Variants in MAMDC2 observed in about 807,000 individuals in gnomAD.
MAMDC2 encodes the protein MAM domain-containing protein 2.
MAMDC2 carries 57 observed loss-of-function variants against 89.8 expected under a neutral mutation model. The ratio of observed to expected loss-of-function variants is 0.63; its 90% CI spans 0.51 to 0.79. The LOEUF (loss-of-function observed/expected upper bound fraction) is 0.79, where lower values mean the gene tolerates loss of function less well. Among genes scored for constraint, MAMDC2 ranks in the 30% least tolerant of loss-of-function variants. The pLI is 0.00. For missense variants in MAMDC2, 800 were observed against 820.6 expected (o/e 0.97, Z 0.31); for synonymous variants, 313 against 293.4 (o/e 1.07, Z -0.68).
At position 70,162,567 on chromosome 9, in the gene MAMDC2, T is replaced by A. The variant is rs1213278456; in HGVS notation, c.1405-6135T>A. On this transcript the variant is annotated intron_variant, in intron 9 of 13. Transcript: ENST00000377182. ...GTGCAGTGATGTGATCACAGTTCAC[T>A]GCAGCCTCAACCTCCCGGGCCGAGG... is the stretch of plus-strand genomic sequence containing the variant. Among the ~76,000 whole-genome samples, 6 of 149,114 alleles carry A rather than the reference T, an allele frequency of 4.0e-5. No individual in the cohort carries two copies. In the East Asian group the frequency reaches 1.0e-3, roughly 25 times the overall value.
chr9:70,143,898 A>G, intron 9 of MAMDC2, 79 bp downstream of exon 9: 1 of 1,513,684 alleles, frequency 6.6e-7, no homozygotes, highest in Non-Finnish European at 9.0e-7. Flanking sequence ...GCTACTGTCA[A>G]CTGGTGATGT....
At chr9:70,087,620 T>C (rs1447241807) in intron 2 of MAMDC2, 1 of 152,176 alleles carries the variant, frequency 6.6e-6, no homozygotes, top group African/African-American at 2.4e-5. Flanking sequence ...GCCTGGGTCA[T>C]GTAACCATTC....
Position 70,211,097 on chromosome 9 carries a change from T to C in MAMDC2, c.1652-7240T>C, listed in dbSNP as rs145523239. On this transcript the variant is annotated intron_variant, in intron 11 of 13. Coordinates refer to ENST00000377182, the MANE Select transcript of MAMDC2 (RefSeq NM_153267.5). ...TCCACTTTGGTGAATCTGACAATTA[T>C]GTGTCTTGGGATTGCTCTTCTCGAG... 4.0e-3 allele frequency among the ~76,000 whole-genome samples: 611 copies of C among 152,334 alleles called. 3 individuals are homozygous for C. Among genetic ancestry groups the C allele is most frequent in the African/African-American group, 0.013 (553 of 41,564 alleles).
At chr9:70,218,957 T>G (rs1254580134) in intron 12 of MAMDC2, among the ~76,000 whole-genome samples, 1 of 152,220 alleles carries the variant, frequency 6.6e-6, no homozygotes, top group African/African-American at 2.4e-5. Context: ...AGCTGCATCT[T>G]TTACTCATCA....
chr9:70,177,481 C>T (rs1467698783), intron 11 of MAMDC2, among the ~76,000 whole-genome samples: 1 of 152,146 alleles, frequency 6.6e-6, no homozygotes, highest in East Asian at 1.9e-4. Context: ...TTTTGGGCCA[C>T]AGCTGACTGT....
chr9:70,054,767 T>A (rs1826990930), intron 2 of MAMDC2, among the ~76,000 whole-genome samples: 1 of 152,122 alleles, frequency 6.6e-6, no homozygotes, highest in South Asian at 2.1e-4. Flanking sequence ...TGTACCCGTA[T>A]AATTCCAAGT....
intron 2 of MAMDC2, among the ~76,000 whole-genome samples, chr9:70,066,736 T>C (rs1236867210): frequency 6.6e-6 from 1 of 152,222 alleles, no homozygotes; most frequent in Non-Finnish European, 1.5e-5. Flanking sequence ...ATCTGTCTTT[T>C]GCTAAATTGC....
chr9:70,159,910 C>T (rs1171288659), intron 9 of MAMDC2, among the ~76,000 whole-genome samples: 1 of 152,046 alleles, frequency 6.6e-6, no homozygotes, highest in African/African-American at 2.4e-5. Context: ...GCCCGGAGGC[C>T]TATTAGAAAT....
rs189971725 is a variant in MAMDC2, at chr9:70,148,535, A to T, written c.1404+4716A>T. 1.3e-3 allele frequency among the ~76,000 whole-genome samples: 193 copies of T among 150,582 alleles called. 8 individuals carry two copies. Among genetic ancestry groups the T allele is most frequent in the Non-Finnish European group, 2.4e-3 (159 of 67,548 alleles). ...ATACTTGGCACTCAGTTGATGCTCA[A>T]TAATTGTCTGTTGACTGATTGCCAC... On this transcript the variant is annotated intron_variant, in intron 9 of 13. Coordinates refer to ENST00000377182, the MANE Select transcript of MAMDC2 (RefSeq NM_153267.5).
intron 7 of MAMDC2, among the ~76,000 whole-genome samples, chr9:70,134,018 A>G (rs2030910512): frequency 6.6e-6 from 1 of 152,214 alleles, no homozygotes; most frequent in Non-Finnish European, 1.5e-5. Context: ...TTTCACAAAT[A>G]GTTTATGCCC....
Position 70,226,125 on chromosome 9 carries a change from AT to A in MAMDC2, c.*97del. On this transcript the variant is annotated 3_prime_UTR_variant, in exon 14 of 14. Coordinates refer to ENST00000377182, the MANE Select transcript of MAMDC2 (RefSeq NM_153267.5). The stretch of plus-strand genomic sequence containing the variant: ...AAATGAATACTGGACAGTCTTAACA[AT>A]TTTATAAGTTATAAAATGACTTTAG... The A allele has an allele frequency of 1.4e-6, 1 of 713,436 alleles. No homozygotes were observed. The highest frequency in any genetic ancestry group is 2.2e-6 in the Non-Finnish European group (1 of 444,808). 44.2% of individuals were successfully genotyped at this position (713,436 alleles called of 1,614,324 possible).
chr9:70,167,170 G>A (rs80181147), intron 9 of MAMDC2, among the ~76,000 whole-genome samples: 10,495 of 152,024 alleles, frequency 0.069, 576 homozygotes, highest in East Asian at 0.22. Flanking sequence ...TTTGTTCTTT[G>A]TATATATACA....
intron 9 of MAMDC2, among the ~76,000 whole-genome samples, chr9:70,150,766 C>T (rs893331645): frequency 6.6e-6 from 1 of 152,180 alleles, no homozygotes; most frequent in Non-Finnish European, 1.5e-5. Flanking sequence ...TAGTCTAAGC[C>T]ACCATCATTT....
At chr9:70,195,027 C>T (rs1355962409) in intron 11 of MAMDC2, among the ~76,000 whole-genome samples, 1 of 152,040 alleles carries the variant, frequency 6.6e-6, no homozygotes, top group African/African-American at 2.4e-5. Flanking sequence ...CATTATTTCA[C>T]AGGTTTACAG....
intron 11 of MAMDC2, among the ~76,000 whole-genome samples, chr9:70,203,270 G>C (rs2033145443): frequency 6.6e-6 from 1 of 151,978 alleles, no homozygotes; most frequent in South Asian, 2.1e-4. Flanking sequence ...AAATCGGTCA[G>C]CATTTGCTTG....
chr9:70,181,945 G>A (rs2032654257), intron 11 of MAMDC2, among the ~76,000 whole-genome samples: 1 of 152,172 alleles, frequency 6.6e-6, no homozygotes, highest in Non-Finnish European at 1.5e-5. Context: ...TTTTCAAAGG[G>A]AATGCTTCCA....
chr9:70,168,827 C>A, intron 10 of MAMDC2, 32 bp downstream of exon 10: 1 of 1,504,130 alleles, frequency 6.6e-7, no homozygotes, highest in African/African-American at 1.4e-5. Flanking sequence ...CTCTCTGTCT[C>A]TCTGACCTAT....
chr9:70,185,097 T>C (rs142371237), intron 11 of MAMDC2, among the ~76,000 whole-genome samples: 182 of 152,354 alleles, frequency 1.2e-3, no homozygotes, highest in African/African-American at 4.0e-3. Context: ...GTTGATATTA[T>C]TGTTTTCTGT....
At chr9:70,073,654 G>A (rs1827461159) in intron 2 of MAMDC2, among the ~76,000 whole-genome samples, 1 of 152,208 alleles carries the variant, frequency 6.6e-6, no homozygotes, top group African/African-American at 2.4e-5. Flanking sequence ...TTATATACAG[G>A]ATCCTAGCAA....
Sources: allele counts gnomAD v4.1 joint callset (sites outside exome capture counted in the v4.1 genomes callset), GRCh38; gene constraint gnomAD v4.1.1; transcripts MANE v1.5; gene names NCBI Gene and HGNC (gene_info 2026-07-23, HGNC 2026-07-21).